TRDMT1: variants seen among roughly 807,000 people sequenced by gnomAD.
TRDMT1 encodes tRNA aspartic acid methyltransferase 1.
A neutral mutation model predicts 51.2 loss-of-function variants in TRDMT1; 49 were observed. That is an observed-to-expected ratio of 0.96 (90% CI 0.76 to 1.21). TRDMT1 has a LOEUF of 1.21. TRDMT1 is among the 50% of genes most tolerant of loss of function. TRDMT1 has a pLI of 0.00. For synonymous variants in TRDMT1, 187 were observed against 164.6 expected (o/e 1.14, Z -1.04); for missense variants, 534 against 462.3 (o/e 1.16, Z -1.42).
At chr10:17,158,883 A>G (rs1839914934) in intron 7 of TRDMT1, among the ~76,000 whole-genome samples, 1 of 152,148 alleles carries the variant, frequency 6.6e-6, no homozygotes, top group Admixed American at 6.6e-5. Flanking sequence ...AGATAACAAT[A>G]CTAATGATAA....
chr10:17,151,154 T>A (rs551873684), intron 10 of TRDMT1: 1 of 735,312 alleles, frequency 1.4e-6, no homozygotes, highest in African/African-American at 1.9e-5. Context: ...ACAAAAGTAA[T>A]TGAAGTTTTT....
chr10:17,195,859 C>T (rs543478928), intron 1 of TRDMT1, among the ~76,000 whole-genome samples: 12 of 152,000 alleles, frequency 7.9e-5, no homozygotes, highest in Non-Finnish European at 1.8e-4. Flanking sequence ...TTAAATATGA[C>T]TTGCTATATA....
intron 10 of TRDMT1, chr10:17,151,237 A>G (rs1331679675): frequency 1.1e-6 from 1 of 923,230 alleles, no homozygotes; most frequent in Non-Finnish European, 1.3e-6. Flanking sequence ...TAATTTTTTA[A>G]GTTAAAAGAC....
Position 17,144,242 on chromosome 10 carries a change from C to A in TRDMT1, c.*4798G>T. ...TATAGAGCTAATTTAGCTAAACAAA[C>A]ATGTTCTCTATGTACACTCTTATAA... On this transcript the variant is annotated 3_prime_UTR_variant, in exon 11 of 11. Transcript: ENST00000377799. 2.0e-6 allele frequency: 2 copies of A among 985,682 alleles called. No individual in the cohort carries two copies. Among genetic ancestry groups the A allele is most frequent in the Non-Finnish European group, 2.4e-6 (2 of 829,914 alleles). 61.1% of individuals were successfully genotyped at this position (985,682 alleles called of 1,614,324 possible). A position where few individuals can be genotyped will look rare whatever the true frequency, so the allele number is the denominator to read the frequency against.
At chr10:17,165,371 A>C (rs189275318) in intron 3 of TRDMT1, among the ~76,000 whole-genome samples, 2,453 of 152,348 alleles carry the variant, frequency 0.016, 70 homozygotes, top group African/African-American at 0.055. Context: ...AAATTAATTC[A>C]AGATGGATTA....
At chr10:17,187,266 A>T (rs1183330521) in intron 1 of TRDMT1, among the ~76,000 whole-genome samples, 3 of 152,210 alleles carry the variant, frequency 2.0e-5, no homozygotes, top group Non-Finnish European at 2.9e-5. Flanking sequence ...ATAAAAAACA[A>T]GAAATGCACA....
chr10:17,199,865 A>AT (rs1230742762), intron 1 of TRDMT1, among the ~76,000 whole-genome samples: 2 of 152,198 alleles, frequency 1.3e-5, no homozygotes, highest in Non-Finnish European at 2.9e-5. Flanking sequence ...ACGTGTACAA[A>AT]TTCACATTGC....
chr10:17,178,792 G>A lies in TRDMT1; in HGVS notation c.65-4132C>T, dbSNP rs1308239330. ...TTCAAAGATCCAGTTTCCTTAGAAA[G>A]TTTCCATAGTCAGCTAACTGTCCAA... is the stretch of plus-strand genomic sequence containing the variant. On this transcript the variant is annotated intron_variant, in intron 1 of 10. Transcript: ENST00000377799. Among the ~76,000 whole-genome samples, 7 of 151,808 alleles carry A rather than the reference G, an allele frequency of 4.6e-5. No homozygotes were observed. In the South Asian group the frequency reaches 8.3e-4, roughly 18 times the overall value.
rs994712672 is a variant in TRDMT1, at chr10:17,146,672, C to A, written c.*2368G>T. ...GTAAGGTATGGTGAAGACTGAATTA[C>A]ACATAGTTCTCCTGAAAATGAGAAG... On this transcript the variant is annotated 3_prime_UTR_variant, in exon 11 of 11. Coordinates refer to ENST00000377799, the MANE Select transcript of TRDMT1 (RefSeq NM_004412.7). The A allele has an allele frequency of 1.0e-6, 1 of 985,206 alleles. No homozygotes were observed. Among genetic ancestry groups the A allele is most frequent in the African/African-American group, 1.7e-5 (1 of 57,230 alleles). The allele number at this position is 985,206 out of a possible 1,614,324, so 61.0% of individuals were successfully genotyped here.
At chr10:17,193,846 T>C (rs556569103) in intron 1 of TRDMT1, among the ~76,000 whole-genome samples, 10 of 152,332 alleles carry the variant, frequency 6.6e-5, no homozygotes, top group Admixed American at 2.0e-4. Context: ...AAAGCCTGAA[T>C]AGCCAAAGCA....
chr10:17,152,299 G>A (rs531830976), intron 10 of TRDMT1, among the ~76,000 whole-genome samples: 3 of 152,212 alleles, frequency 2.0e-5, no homozygotes, highest in East Asian at 1.9e-4. Flanking sequence ...GAAAGAGGCA[G>A]GGAGTACAAA....
rs1837882200 is a variant in TRDMT1 at position 17,143,846 on chromosome 10, C to G, written c.*5194G>C. Reference sequence around the variant, plus strand: ...TGGAAGATGTGGAGACTAACCGTACCATAAATATTAAAGTCAAGAGTGGAA... The same window carrying G: ...TGGAAGATGTGGAGACTAACCGTACGATAAATATTAAAGTCAAGAGTGGAA... On this transcript the variant is annotated 3_prime_UTR_variant, in exon 11 of 11. Coordinates refer to ENST00000377799, the MANE Select transcript of TRDMT1 (RefSeq NM_004412.7). The G allele has an allele frequency of 1.0e-6, 1 of 985,240 alleles. No homozygotes were observed. Among genetic ancestry groups the G allele is most frequent in the Non-Finnish European group, 1.2e-6 (1 of 829,928 alleles). 61.0% of individuals were successfully genotyped at this position (985,240 alleles called of 1,614,324 possible).
intron 1 of TRDMT1, among the ~76,000 whole-genome samples, chr10:17,181,047 C>T (rs1228014703): frequency 6.6e-6 from 1 of 152,092 alleles, no homozygotes; most frequent in Non-Finnish European, 1.5e-5. Context: ...TTTATTTCTT[C>T]CTCCTCTTCA....
chr10:17,162,379 T>C (rs1840511892), intron 3 of TRDMT1, 142 bp from the exon 4 acceptor site: 1 of 718,798 alleles, frequency 1.4e-6, no homozygotes, highest in Non-Finnish European at 2.3e-6. Flanking sequence ...TCATCTTTGT[T>C]GTTACAGAGA....
intron 3 of TRDMT1, among the ~76,000 whole-genome samples, chr10:17,164,917 T>C (rs1840959746): frequency 1.3e-5 from 2 of 152,112 alleles, no homozygotes; most frequent in Non-Finnish European, 2.9e-5. Flanking sequence ...ATAGGAAGAA[T>C]CAATATTGTG....
chr10:17,169,557 A>G, intron 2 of TRDMT1: 1 of 1,286,904 alleles, frequency 7.8e-7, no homozygotes, highest in Non-Finnish European at 1.0e-6. Flanking sequence ...TCAGAAGACA[A>G]ACACAGGGAA....
intron 10 of TRDMT1, chr10:17,151,930 T>C: frequency 8.6e-7 from 1 of 1,169,034 alleles, no homozygotes; most frequent in East Asian, 5.9e-5. Flanking sequence ...GGCTGGGATA[T>C]GAAATCATTC....
chr10:17,200,383 T>C (rs951825789), intron 1 of TRDMT1: 1 of 160,598 alleles, frequency 6.2e-6, no homozygotes, highest in Non-Finnish European at 1.5e-5. Context: ...CTGCTAAGTT[T>C]TAAAATGAGA....
rs867205382 is a variant in TRDMT1, at chr10:17,146,014, C to T, written c.*3026G>A. 9 of 985,360 alleles carry T rather than the reference C, an allele frequency of 9.1e-6. No individual in the cohort carries two copies. Among genetic ancestry groups the T allele is most frequent in the Non-Finnish European group, 1.1e-5 (9 of 829,974 alleles). The allele number at this position is 985,360 out of a possible 1,614,324, so 61.0% of individuals were successfully genotyped here. A position where few individuals can be genotyped will look rare whatever the true frequency, so the allele number is the denominator to read the frequency against. Reference sequence around the variant, plus strand: ...TGATTTCTGCTGAGAACTTCCACCCCTACCAATGCGTTGAATTGCCTGCAC... The same window carrying T: ...TGATTTCTGCTGAGAACTTCCACCCTTACCAATGCGTTGAATTGCCTGCAC... On this transcript the variant is annotated 3_prime_UTR_variant, in exon 11 of 11. Transcript: ENST00000377799.
Sources: allele counts gnomAD v4.1 joint callset (sites outside exome capture counted in the v4.1 genomes callset), GRCh38; gene constraint gnomAD v4.1.1; transcripts MANE v1.5; gene names NCBI Gene and HGNC (gene_info 2026-07-23, HGNC 2026-07-21).